The following ENTREP2 variants were observed in gnomAD, a reference collection of about 807,000 sequenced individuals.
ENTREP2 encodes endosomal transmembrane epsin interactor 2.
At chr15:29,177,412 G>T in the ENTREP2 span, among the ~76,000 whole-genome samples, 1 of 152,218 alleles carries the variant, frequency 6.6e-6, no homozygotes, top group Non-Finnish European at 1.5e-5. Flanking sequence ...TATATTGGTG[G>T]TTGTTTTCTT....
chr15:29,133,951 G>T, the ENTREP2 span, among the ~76,000 whole-genome samples: 3 of 150,520 alleles, frequency 2.0e-5, no homozygotes, highest in African/African-American at 7.5e-5. Context: ...CTGAGCCTTT[G>T]CACAGGCTGT....
the ENTREP2 span, among the ~76,000 whole-genome samples, chr15:29,424,645 C>A: frequency 3.3e-5 from 5 of 152,288 alleles, no homozygotes; most frequent in Non-Finnish European, 7.3e-5. Context: ...CTGAGAGGGG[C>A]CCTGCAAAGT....
chr15:29,481,157 TCTGAAGACGAGC>T, the ENTREP2 span, among the ~76,000 whole-genome samples: 1 of 152,130 alleles, frequency 6.6e-6, no homozygotes, highest in Non-Finnish European at 1.5e-5. Flanking sequence ...CAGATGCCAT[TCTGAAGACGAGC>T]CTGCAGGGCA....
chr15:29,673,877 A>G, the ENTREP2 span, among the ~76,000 whole-genome samples: 1 of 151,316 alleles, frequency 6.6e-6, no homozygotes, highest in African/African-American at 2.5e-5. Flanking sequence ...GTTGTCTGTT[A>G]TAATTTTGCA....
chr15:29,175,177 G>C, the ENTREP2 span, among the ~76,000 whole-genome samples: 1 of 152,112 alleles, frequency 6.6e-6, no homozygotes, highest in Admixed American at 6.6e-5. Flanking sequence ...CTGGGATTCT[G>C]GCTCCACCTT....
the ENTREP2 span, among the ~76,000 whole-genome samples, chr15:29,148,868 AT>A: frequency 4.0e-5 from 6 of 150,016 alleles, no homozygotes; most frequent in Non-Finnish European, 5.9e-5. Flanking sequence ...CTCCCTCCAG[AT>A]TTTTTTTTAA....
the ENTREP2 span, among the ~76,000 whole-genome samples, chr15:29,444,222 GAAAGAAAGAAAGAAAGAAAGAAAGAA>G: frequency 1.3e-5 from 2 of 148,720 alleles, no homozygotes; most frequent in African/African-American, 5.1e-5. Context: ...AAGAAAGAAA[GAAAGAAAGAAAGAAAGAAAGAAAGAA>G]AGAGAAAGAG....
At chr15:29,593,988 A>G in the ENTREP2 span, among the ~76,000 whole-genome samples, 1 of 152,184 alleles carries the variant, frequency 6.6e-6, no homozygotes, top group South Asian at 2.1e-4. Context: ...TTGATATTGT[A>G]CTATAGTTAT....
the ENTREP2 span, among the ~76,000 whole-genome samples, chr15:29,120,070 C>T: frequency 4.6e-5 from 7 of 152,358 alleles, no homozygotes; most frequent in Admixed American, 1.3e-4. Context: ...GGCCCTGGCC[C>T]TCCCCACTCT....
At chr15:29,324,768 G>T in the ENTREP2 span, among the ~76,000 whole-genome samples, 1 of 152,170 alleles carries the variant, frequency 6.6e-6, no homozygotes, top group Non-Finnish European at 1.5e-5. Context: ...GGCAAAAACT[G>T]ACAGAACTGA....
At chr15:29,576,397 G>A in the ENTREP2 span, among the ~76,000 whole-genome samples, 12 of 152,190 alleles carry the variant, frequency 7.9e-5, no homozygotes, top group Non-Finnish European at 1.2e-4. Context: ...GGCATAAACC[G>A]TGACCTTGGC....
the ENTREP2 span, among the ~76,000 whole-genome samples, chr15:29,642,611 A>G: frequency 6.7e-6 from 1 of 149,780 alleles, no homozygotes; most frequent in East Asian, 1.9e-4. Context: ...GTATACATAC[A>G]TACATACTAT....
At chr15:29,221,138 C>T in the ENTREP2 span, among the ~76,000 whole-genome samples, 1 of 152,126 alleles carries the variant, frequency 6.6e-6, no homozygotes, top group Non-Finnish European at 1.5e-5. Flanking sequence ...AGCATGTCTT[C>T]CTAGGACACA....
At chr15:29,577,347 T>TGA in the ENTREP2 span, among the ~76,000 whole-genome samples, 44 of 149,554 alleles carry the variant, frequency 2.9e-4, no homozygotes, top group African/African-American at 1.0e-3. Context: ...TGTGTGTGTG[T>TGA]GTGAGAGAGA....
chr15:29,646,600 T>A, the ENTREP2 span, among the ~76,000 whole-genome samples: 1 of 152,198 alleles, frequency 6.6e-6, no homozygotes, highest in Non-Finnish European at 1.5e-5. Flanking sequence ...ATTTAAGGAC[T>A]CGTGTAATTA....
chr15:29,478,309 G>A, the ENTREP2 span, among the ~76,000 whole-genome samples: 13 of 152,036 alleles, frequency 8.6e-5, no homozygotes, highest in African/African-American at 2.7e-4. Flanking sequence ...TTATAGGTGT[G>A]AGCCACCGCG....
the ENTREP2 span, among the ~76,000 whole-genome samples, chr15:29,302,899 T>G: frequency 6.6e-6 from 1 of 152,136 alleles, no homozygotes; most frequent in South Asian, 2.1e-4. Context: ...GGCATCACAT[T>G]TGGAATTGAT....
At chr15:29,343,357 G>A in the ENTREP2 span, among the ~76,000 whole-genome samples, 1 of 151,978 alleles carries the variant, frequency 6.6e-6, no homozygotes, top group Non-Finnish European at 1.5e-5. Flanking sequence ...TCAGTCAAAG[G>A]CCCTCAGAGC....
the ENTREP2 span, among the ~76,000 whole-genome samples, chr15:29,409,592 T>C: frequency 6.6e-6 from 1 of 151,894 alleles, no homozygotes; most frequent in South Asian, 2.1e-4. Context: ...CACAAAGTGC[T>C]GGGATTACAG....
Sources: gnomAD v4.1 joint callset for allele counts (sites outside exome capture counted in the v4.1 genomes callset) on GRCh38, gnomAD v4.1.1 for gene constraint, MANE v1.5 for transcripts, NCBI Gene and HGNC (gene_info 2026-07-23, HGNC 2026-07-21) for gene names.